The following PPARA variants were observed in gnomAD, a reference collection of about 807,000 sequenced individuals.
The protein encoded by PPARA is peroxisome proliferator-activated receptor alpha.
Under a neutral mutation model 42.2 loss-of-function variants are expected in PPARA, and 22 were observed. That is an observed-to-expected ratio of 0.52 (90% confidence interval 0.37 to 0.74). The LOEUF is 0.74. Among genes scored for constraint, PPARA ranks in the 30% least tolerant of loss-of-function variants. PPARA has a pLI of 0.00. For missense variants in PPARA, 465 were observed against 608.2 expected (o/e 0.76, Z 2.48); for synonymous variants, 242 against 239.3 (o/e 1.01, Z -0.10).
chr22:46,209,329 G>A (rs984137188), intron 4 of PPARA, among the ~76,000 whole-genome samples: 1 of 152,044 alleles, frequency 6.6e-6, no homozygotes, highest in Non-Finnish European at 1.5e-5. Context: ...TGTGCTTGAG[G>A]TTCATTGAGC....
chr22:46,199,886 C>T lies in PPARA; in HGVS notation c.208+1295C>T, dbSNP rs924629239. 2.0e-5 allele frequency among the ~76,000 whole-genome samples: 3 copies of T among 152,024 alleles called. No individual in the cohort carries two copies. The South Asian group carries it at 6.2e-4, about 32-fold the overall frequency. On this transcript the variant is annotated intron_variant, in intron 4 of 8. Coordinates refer to ENST00000407236, the MANE Select transcript of PPARA (RefSeq NM_005036.6). ...TACAGGCACCCGTCACCATGCCGGGCTAATTTTTGTATTTTTAGTAGAGAT... is the reference window on the plus strand; with the variant it reads ...TACAGGCACCCGTCACCATGCCGGGTTAATTTTTGTATTTTTAGTAGAGAT...
chr22:46,170,236 G>T (rs1214636717), intron 2 of PPARA, among the ~76,000 whole-genome samples: 5 of 150,918 alleles, frequency 3.3e-5, no homozygotes, highest in Non-Finnish European at 5.9e-5. Context: ...TTTGGTGGCA[G>T]GGGGGTGGGA....
In PPARA at chr22:46,232,536, G is replaced by T. The variant is rs1935949694; in HGVS notation, c.1159+297G>T. On this transcript the variant is annotated intron_variant, in intron 8 of 8. Transcript: ENST00000407236. This position sits in a 1 kb window ranked among gnomAD's most constrained non-coding sequence, Gnocchi z 5.3. ...GTGGGGGTGCACACCTTTAGTCCCA[G>T]CTACTTACTCAGTAGACTGAGGCAA... is the stretch of plus-strand genomic sequence containing the variant. 6.6e-6 allele frequency among the ~76,000 whole-genome samples: 1 copy of T among 151,876 alleles called. No homozygotes were observed. Among genetic ancestry groups the T allele is most frequent in the Non-Finnish European group, 1.5e-5 (1 of 67,986 alleles).
intron 3 of PPARA, among the ~76,000 whole-genome samples, chr22:46,179,614 A>G (rs1190429453): frequency 1.3e-5 from 2 of 152,224 alleles, no homozygotes; most frequent in Admixed American, 1.3e-4. Flanking sequence ...AAACTTCTAG[A>G]AGAAAACACA....
chr22:46,205,872 G>C (rs6008096), intron 4 of PPARA, among the ~76,000 whole-genome samples: 5,374 of 151,954 alleles, frequency 0.035, 276 homozygotes, highest in African/African-American at 0.11. Flanking sequence ...TATTTGTTCT[G>C]AACACTACTT....
chr22:46,220,460 GTGC>G, intron 7 of PPARA: 11 of 245,484 alleles, frequency 4.5e-5, no homozygotes, highest in South Asian at 1.9e-4. Flanking sequence ...GACTACAGGT[GTGC>G]ACCACCACAC....
chr22:46,176,261 G>A (rs4253660), intron 2 of PPARA: 6,248 of 152,232 alleles, frequency 0.041, 431 homozygotes, highest in African/African-American at 0.14. Flanking sequence ...GAAGGCGGGC[G>A]GATCACCAGA....
At chr22:46,159,087 C>T (rs1228523371) in intron 2 of PPARA, among the ~76,000 whole-genome samples, 1 of 152,084 alleles carries the variant, frequency 6.6e-6, no homozygotes, top group Non-Finnish European at 1.5e-5. Context: ...GACGGGCTTT[C>T]ACCATGTTGG....
chr22:46,218,289 C>T lies in PPARA; in HGVS notation c.396C>T (p.Leu132=). The change falls in exon 6 of 9, where the codon CTC becomes CTT. Residue 132 remains leucine, a synonymous_variant. Transcript: ENST00000407236. ...CKGFFRRTIR[L]KLVYDKCDRS... ...GCTTCTTTCGGCGAACGATTCGACT[C>T]AAGCTGGTGTATGACAAGTGCGACC... 1 of 1,614,082 alleles carries T rather than the reference C, an allele frequency of 6.2e-7. No homozygotes were observed. The highest frequency in any genetic ancestry group is 8.5e-7 in the Non-Finnish European group (1 of 1,180,032).
At chr22:46,181,779 G>A (rs1458899972) in intron 3 of PPARA, among the ~76,000 whole-genome samples, 1 of 152,154 alleles carries the variant, frequency 6.6e-6, no homozygotes, top group Non-Finnish European at 1.5e-5. Flanking sequence ...GTCTAGACAT[G>A]CCCCAAATGG....
chr22:46,218,861 AAAG>A (rs1934751613), intron 6 of PPARA, among the ~76,000 whole-genome samples: 1 of 136,308 alleles, frequency 7.3e-6, no homozygotes, highest in Middle Eastern at 4.7e-3. Flanking sequence ...AAAAAGAAAG[AAAG>A]AAAGAAAATA....
In PPARA at chr22:46,240,344, G is replaced by A; in HGVS notation, c.*4964G>A. The A allele has an allele frequency of 2.5e-6, 1 of 397,710 alleles. No homozygotes were observed. 24.6% of individuals were successfully genotyped at this position (397,710 alleles called of 1,614,324 possible). A position where few individuals can be genotyped will look rare whatever the true frequency, so the allele number is the denominator to read the frequency against. Reference sequence around the variant, plus strand: ...TGCTAGCCGCTGGTCCCCAGGCACGGTGCACTTTCTCCACCTCCTGCAGCC... The same window carrying A: ...TGCTAGCCGCTGGTCCCCAGGCACGATGCACTTTCTCCACCTCCTGCAGCC... On this transcript the variant is annotated 3_prime_UTR_variant, in exon 9 of 9. Transcript: ENST00000407236. This position sits in a 1 kb window ranked among gnomAD's most constrained non-coding sequence, Gnocchi z 6.0.
chr22:46,214,705 T>C (rs1934294260), intron 4 of PPARA, among the ~76,000 whole-genome samples: 1 of 144,402 alleles, frequency 6.9e-6, no homozygotes, highest in Non-Finnish European at 1.5e-5. Context: ...TCCAGAGATG[T>C]GCGGGTCCAA....
intron 1 of PPARA, chr22:46,151,143 C>T (rs1427759089): frequency 1.3e-5 from 2 of 152,204 alleles, no homozygotes; most frequent in Non-Finnish European, 2.9e-5. Flanking sequence ...ATCTCCGAGG[C>T]GAGGAAACCC....
intron 6 of PPARA, among the ~76,000 whole-genome samples, 157 bp downstream of exon 6, chr22:46,218,558 G>C (rs1345673628): frequency 6.6e-6 from 1 of 152,170 alleles, no homozygotes; most frequent in Non-Finnish European, 1.5e-5. Context: ...AGTCGCCCAG[G>C]CGCGGTGGTT....
chr22:46,168,561 T>C (rs1927483956), intron 2 of PPARA, among the ~76,000 whole-genome samples: 1 of 151,780 alleles, frequency 6.6e-6, no homozygotes, highest in South Asian at 2.1e-4. Flanking sequence ...ACTATTGTAA[T>C]TCAATAAGAT....
chr22:46,207,832 T>C (rs1327364785), intron 4 of PPARA, among the ~76,000 whole-genome samples: 2 of 151,498 alleles, frequency 1.3e-5, no homozygotes, highest in East Asian at 1.9e-4. Context: ...TAGAGGTATA[T>C]ACTACCATGC....
In PPARA at chr22:46,182,665, A is replaced by G. The variant is rs1930131376; in HGVS notation, c.-43+5829A>G. 1.3e-5 allele frequency among the ~76,000 whole-genome samples: 2 copies of G among 152,204 alleles called. No individual in the cohort carries two copies. The highest frequency in any genetic ancestry group is 4.1e-4 in the South Asian group (2 of 4,834). The stretch of plus-strand genomic sequence containing the variant: ...CACAGGTTGATACATACGGCAAAAA[A>G]TACCAAATTTGTACACTTTAAATAT... On this transcript the variant is annotated intron_variant, in intron 3 of 8. Transcript: ENST00000407236. This position sits in a 1 kb window ranked among gnomAD's most constrained non-coding sequence, Gnocchi z 5.2.
chr22:46,202,568 C>T (rs192764303), intron 4 of PPARA, among the ~76,000 whole-genome samples: 139 of 152,154 alleles, frequency 9.1e-4, no homozygotes, highest in Non-Finnish European at 1.7e-3. Context: ...GGAACCTCAT[C>T]TCTACTAAAA....
Sources: gnomAD v4.1 joint callset for allele counts (sites outside exome capture counted in the v4.1 genomes callset) on GRCh38, gnomAD v4.1.1 for gene constraint, Gnocchi (gnomAD v3.1) non-coding constraint, MANE v1.5 for transcripts, NCBI Gene and HGNC (gene_info 2026-07-23, HGNC 2026-07-21) for gene names.